Variants in DCC observed in about 807,000 individuals in gnomAD.
DCC encodes the protein netrin receptor DCC.
DCC carries 58 observed loss-of-function variants against 172.5 expected under a neutral mutation model. The ratio of observed to expected loss-of-function variants is 0.34; its 90% confidence interval spans 0.27 to 0.42. The LOEUF is 0.42. Ranked by LOEUF, DCC falls within the 10% of genes least tolerant of loss-of-function variation. The probability of loss-of-function intolerance (pLI) is 1.00; values close to 1 mark genes in which losing one functional copy is unlikely to be tolerated. For missense variants in DCC, 1,740 were observed against 1,791.0 expected (o/e 0.97, Z 0.51); for synonymous variants, 709 against 644.5 (o/e 1.10, Z -1.52).
Position 52,607,101 on chromosome 18 carries a change from G to A in DCC, c.92-144953G>A, listed in dbSNP as rs139937996. Among the ~76,000 whole-genome samples, 351 of 152,206 alleles carry A rather than the reference G, an allele frequency of 2.3e-3. 2 individuals carry two copies. The Middle Eastern group carries it at 0.037, about 16-fold the overall frequency. ...TAGCTTTACACAACAAAGATAGTAT[G>A]TCCAATATGGAATAGCAGGAAATTT... On this transcript the variant is annotated intron_variant, in intron 1 of 28. Coordinates refer to ENST00000442544, the MANE Select transcript of DCC (RefSeq NM_005215.4).
intron 1 of DCC, among the ~76,000 whole-genome samples, chr18:52,483,173 T>C (rs1241295347): frequency 6.6e-6 from 1 of 152,078 alleles, no homozygotes; most frequent in Admixed American, 6.6e-5. Context: ...CTAATAAGGA[T>C]GTGTGTCATT....
intron 1 of DCC, among the ~76,000 whole-genome samples, chr18:52,647,349 T>C (rs528673010): frequency 8.8e-4 from 134 of 152,332 alleles, no homozygotes; most frequent in East Asian, 2.5e-3. Context: ...CCTACCCAAC[T>C]TGAAGCCTGA....
chr18:52,801,673 G>T (rs1005373496), intron 2 of DCC, among the ~76,000 whole-genome samples: 2 of 152,180 alleles, frequency 1.3e-5, no homozygotes, highest in African/African-American at 4.8e-5. Flanking sequence ...AAGGTTATAA[G>T]CCACGTTCAA....
intron 7 of DCC, among the ~76,000 whole-genome samples, chr18:53,092,116 A>C (rs547598722): frequency 2.2e-4 from 34 of 152,292 alleles, no homozygotes; most frequent in African/African-American, 8.2e-4. Flanking sequence ...CATTTTCGTC[A>C]CATAAATTGA....
At chr18:53,273,208 G>T (rs1050837470) in intron 12 of DCC, among the ~76,000 whole-genome samples, 1 of 152,038 alleles carries the variant, frequency 6.6e-6, no homozygotes, top group Non-Finnish European at 1.5e-5. Context: ...CATGGAGCCT[G>T]AAGTATGTGC....
intron 1 of DCC, among the ~76,000 whole-genome samples, chr18:52,616,680 T>G (rs55997288): frequency 0.021 from 3,207 of 152,206 alleles, 103 homozygotes; most frequent in East Asian, 0.09. Flanking sequence ...GTTTATAATC[T>G]AGTAGAGGAT....
intron 1 of DCC, among the ~76,000 whole-genome samples, chr18:52,344,537 TTTGCA>T (rs1983796996): frequency 1.3e-5 from 2 of 152,166 alleles, no homozygotes; most frequent in Non-Finnish European, 2.9e-5. Flanking sequence ...TCCTGGAATG[TTTGCA>T]GCTGCACGCA....
chr18:53,440,350 A>G (rs538876380), intron 22 of DCC, among the ~76,000 whole-genome samples: 1 of 152,312 alleles, frequency 6.6e-6, no homozygotes, highest in Non-Finnish European at 1.5e-5. Flanking sequence ...CTTTAAAGAT[A>G]AAGTTAAACT....
chr18:53,508,220 T>C (rs2144515010), intron 27 of DCC, among the ~76,000 whole-genome samples: 1 of 143,458 alleles, frequency 7.0e-6, no homozygotes, highest in Middle Eastern at 4.4e-3. Context: ...TTAGACAGTC[T>C]CTTACTCTGT....
intron 27 of DCC, among the ~76,000 whole-genome samples, chr18:53,526,291 C>G (rs146544929): frequency 2.2e-4 from 34 of 152,254 alleles, no homozygotes; most frequent in African/African-American, 8.2e-4. Context: ...TAAGCCGAGA[C>G]TGGCACCAAA....
At chr18:53,332,640 G>A (rs1007311975) in intron 14 of DCC, among the ~76,000 whole-genome samples, 1 of 152,058 alleles carries the variant, frequency 6.6e-6, no homozygotes. Context: ...ATTCATGGAG[G>A]GGAAAATATT....
At chr18:53,116,718 TCTA>T (rs1335620472) in intron 7 of DCC, among the ~76,000 whole-genome samples, 1 of 151,706 alleles carries the variant, frequency 6.6e-6, no homozygotes, top group African/African-American at 2.4e-5. Flanking sequence ...ATACACTTCT[TCTA>T]CTTCATTCTT....
At chr18:53,083,573 C>T (rs1031955036) in intron 7 of DCC, among the ~76,000 whole-genome samples, 5 of 152,158 alleles carry the variant, frequency 3.3e-5, no homozygotes, top group Non-Finnish European at 7.3e-5. Flanking sequence ...TGCAACATTA[C>T]TTGCACATTA....
intron 2 of DCC, among the ~76,000 whole-genome samples, chr18:52,836,129 C>T (rs992433486): frequency 9.2e-5 from 14 of 152,168 alleles, no homozygotes; most frequent in African/African-American, 3.4e-4. Flanking sequence ...AGAACTTGTG[C>T]ACTATCATGA....
At chr18:52,913,045 A>G (rs2039993507) in intron 3 of DCC, among the ~76,000 whole-genome samples, 1 of 152,086 alleles carries the variant, frequency 6.6e-6, no homozygotes, top group African/African-American at 2.4e-5. Flanking sequence ...GATACCTTTT[A>G]TTGTGTACAA....
intron 5 of DCC, among the ~76,000 whole-genome samples, chr18:52,944,875 G>T (rs1011376045): frequency 2.3e-4 from 35 of 152,240 alleles, no homozygotes; most frequent in African/African-American, 8.4e-4. Context: ...TTTATGATAA[G>T]AAAAGAGTAT....
intron 1 of DCC, among the ~76,000 whole-genome samples, chr18:52,729,798 T>C (rs888488927): frequency 3.3e-5 from 5 of 152,072 alleles, no homozygotes; most frequent in Admixed American, 2.0e-4. Context: ...TGTTAATCCA[T>C]AAGAGGCAAA....
chr18:52,586,536 A>G (rs2033678355), intron 1 of DCC, among the ~76,000 whole-genome samples: 1 of 152,150 alleles, frequency 6.6e-6, no homozygotes, highest in African/African-American at 2.4e-5. Context: ...TAATGGCATC[A>G]TTGTTGTGTC....
At chr18:52,932,041 G>C in intron 5 of DCC, 1 of 152,210 alleles carries the variant, frequency 6.6e-6, no homozygotes, top group Middle Eastern at 3.4e-3. Flanking sequence ...AACAAAGCCC[G>C]AAGAGGCAGG....
Sources: gnomAD v4.1 joint callset for allele counts (sites outside exome capture counted in the v4.1 genomes callset) on GRCh38, gnomAD v4.1.1 for gene constraint, MANE v1.5 for transcripts, NCBI Gene and HGNC (gene_info 2026-07-23, HGNC 2026-07-21) for gene names.